RGS9: variants seen among roughly 807,000 people sequenced by gnomAD.
RGS9 encodes the protein regulator of G-protein signalling 9.
RGS9 carries 78 observed loss-of-function variants against 102.0 expected under a neutral mutation model. That is an observed-to-expected ratio of 0.76 (90% CI 0.64 to 0.92). RGS9 has a LOEUF of 0.92. RGS9 is among the 40% of genes least tolerant of loss of function. The pLI, the probability that RGS9 is intolerant of heterozygous loss-of-function variation, is 0.00. For missense variants in RGS9, 833 were observed against 866.1 expected, an observed-to-expected ratio of 0.96 and a Z score of 0.48; for synonymous variants, 353 against 318.6, an observed-to-expected ratio of 1.11 and a Z score of -1.15.
chr17:65,185,121 TC>T (rs1033277488), intron 9 of RGS9, among the ~76,000 whole-genome samples: 6 of 152,130 alleles, frequency 3.9e-5, no homozygotes, highest in Non-Finnish European at 7.4e-5. Flanking sequence ...TCTCTCACTG[TC>T]CCCTCCCTGT....
chr17:65,201,906 G>A lies in RGS9; in HGVS notation c.977-87G>A, dbSNP rs544770527. 130 of 898,036 alleles carry A rather than the reference G, an allele frequency of 1.4e-4. No homozygotes were observed. In the East Asian group the frequency reaches 1.9e-3, roughly 13 times the overall value. 55.6% of individuals were successfully genotyped at this position (898,036 alleles called of 1,614,324 possible). On this transcript the variant is annotated intron_variant, in intron 13 of 18. Transcript: ENST00000262406. Reference sequence around the variant, plus strand: ...TGAGCTGGGAAATGGAATCCATCCCGGTTGACTCATTTCTTTTATTTCCTC... The same window carrying A: ...TGAGCTGGGAAATGGAATCCATCCCAGTTGACTCATTTCTTTTATTTCCTC...
At chr17:65,218,336 C>T (rs998492794) in intron 17 of RGS9, among the ~76,000 whole-genome samples, 2 of 152,234 alleles carry the variant, frequency 1.3e-5, no homozygotes, top group Non-Finnish European at 2.9e-5. Flanking sequence ...AACCCGCTTG[C>T]TATCAGCTTC....
intron 11 of RGS9, among the ~76,000 whole-genome samples, chr17:65,191,376 T>G (rs56269736): frequency 0.088 from 13,352 of 152,110 alleles, 659 homozygotes; most frequent in Middle Eastern, 0.14. Context: ...AGTTTTTTTT[T>G]TTGTTGTTGT....
rs545351274 is a variant in RGS9 at position 65,209,108 on chromosome 17, T to C, written c.1289+1101T>C. Among the ~76,000 whole-genome samples the C allele has an allele frequency of 3.3e-5, 5 of 152,216 alleles. No homozygotes were observed. In the South Asian group the frequency reaches 1.0e-3, roughly 32 times the overall value. ...CCTCTCTCTCCAGATATTTTAGAAG[T>C]TGGGGCAGACGTGAGAATTCTCACT... is the stretch of plus-strand genomic sequence containing the variant. On this transcript the variant is annotated intron_variant, in intron 16 of 18. Transcript: ENST00000262406.
chr17:65,197,709 G>A (rs532199840), intron 13 of RGS9, among the ~76,000 whole-genome samples: 6 of 148,808 alleles, frequency 4.0e-5, no homozygotes, highest in Admixed American at 2.0e-4. Context: ...TTGCTGTGTC[G>A]CCCAGCCTGG....
intron 13 of RGS9, among the ~76,000 whole-genome samples, chr17:65,198,516 A>G (rs1352910523): frequency 6.6e-6 from 1 of 152,154 alleles, no homozygotes; most frequent in East Asian, 1.9e-4. Flanking sequence ...TCGGCCTCCC[A>G]AAGTGTTGGG....
chr17:65,194,686 G>A (rs760467655), intron 12 of RGS9, among the ~76,000 whole-genome samples: 7 of 152,140 alleles, frequency 4.6e-5, no homozygotes, highest in Non-Finnish European at 8.8e-5. Flanking sequence ...GGCACACAGA[G>A]GGAGGAAGAA....
intron 12 of RGS9, among the ~76,000 whole-genome samples, chr17:65,195,189 T>G (rs894122182): frequency 6.6e-6 from 1 of 152,166 alleles, no homozygotes; most frequent in Admixed American, 6.5e-5. Flanking sequence ...TGGCTCTCCC[T>G]GGAGGAGAAG....
chr17:65,200,714 C>T (rs560469845), intron 13 of RGS9, among the ~76,000 whole-genome samples: 2 of 152,236 alleles, frequency 1.3e-5, no homozygotes, highest in East Asian at 3.9e-4. Context: ...TGACCCTTGA[C>T]CAACACTGGT....
At chr17:65,139,320 T>G (rs1304660843) in intron 1 of RGS9, among the ~76,000 whole-genome samples, 1 of 150,910 alleles carries the variant, frequency 6.6e-6, no homozygotes, top group Non-Finnish European at 1.5e-5. Flanking sequence ...ACACACTGTT[T>G]TTTTCCCCCA....
intron 8 of RGS9, among the ~76,000 whole-genome samples, chr17:65,177,169 T>A (rs549575748): frequency 6.8e-6 from 1 of 146,326 alleles, no homozygotes; most frequent in South Asian, 2.2e-4. Flanking sequence ...CATCCATCCA[T>A]CCATCCACCC....
At chr17:65,149,991 ATGT>A (rs1455913768) in intron 1 of RGS9, among the ~76,000 whole-genome samples, 1 of 152,160 alleles carries the variant, frequency 6.6e-6, no homozygotes, top group African/African-American at 2.4e-5. Flanking sequence ...GTGTTGGGAG[ATGT>A]TGTTTAATTC....
intron 8 of RGS9, among the ~76,000 whole-genome samples, chr17:65,174,365 G>A (rs928137582): frequency 1.3e-5 from 2 of 152,212 alleles, no homozygotes; most frequent in Non-Finnish European, 2.9e-5. Context: ...GGCTGTGTGT[G>A]AGTGTGAGTG....
chr17:65,174,896 G>A (rs1425663851), intron 8 of RGS9, among the ~76,000 whole-genome samples: 1 of 152,158 alleles, frequency 6.6e-6, no homozygotes, highest in Non-Finnish European at 1.5e-5. Context: ...GTATGTGAAA[G>A]AGGAACTGTC....
chr17:65,182,741 G>C (rs572698410), intron 9 of RGS9, among the ~76,000 whole-genome samples: 1 of 152,190 alleles, frequency 6.6e-6, no homozygotes, highest in East Asian at 1.9e-4. Context: ...TGATCCAACC[G>C]CTGCTCCCCT....
Position 65,177,817 on chromosome 17 carries a change from G to A in RGS9, c.654+14G>A. ...AAGGTAAACCAGGTATGTCTCTGCT[G>A]CATAGTTTGGGTAGGGCCTAGGTCG... On this transcript the variant is annotated intron_variant, in intron 9 of 18. Coordinates refer to ENST00000262406, the MANE Select transcript of RGS9 (RefSeq NM_003835.4). 2 of 1,612,496 alleles carry A rather than the reference G, an allele frequency of 1.2e-6. No homozygotes were observed. The highest frequency in any genetic ancestry group is 1.7e-6 in the Non-Finnish European group (2 of 1,178,456).
In RGS9 at chr17:65,210,385, AGATTCTGG is replaced by A. The variant is rs146023329; in HGVS notation, c.1290-102_1290-95del. Reference sequence around the variant, plus strand: ...CTGGAAAAAGGAGGGAACAAAATATAGATTCTGGACCTTCCAGCCCCAGCTCCCATCAA... The same window carrying A: ...CTGGAAAAAGGAGGGAACAAAATATAACCTTCCAGCCCCAGCTCCCATCAA... On this transcript the variant is annotated intron_variant, in intron 16 of 18. Transcript: ENST00000262406. 2.3e-3 allele frequency: 3,247 copies of A among 1,390,566 alleles called. 60 individuals are homozygous for A. The African/African-American group carries it at 0.041, about 18-fold the overall frequency. The allele number at this position is 1,390,566 out of a possible 1,614,324, so 86.1% of individuals were successfully genotyped here. A position where few individuals can be genotyped will look rare whatever the true frequency, so the allele number is the denominator to read the frequency against.
chr17:65,165,146 T>C (rs1162297446), intron 7 of RGS9, among the ~76,000 whole-genome samples: 1 of 152,170 alleles, frequency 6.6e-6, no homozygotes, highest in Non-Finnish European at 1.5e-5. Flanking sequence ...TGAGCAGGAC[T>C]ATCCCAGCAA....
At chr17:65,198,986 T>TAC (rs533518612) in intron 13 of RGS9, among the ~76,000 whole-genome samples, 1 of 151,910 alleles carries the variant, frequency 6.6e-6, no homozygotes, top group African/African-American at 2.4e-5. Context: ...ATTTATTATC[T>TAC]CCCCCCCACT....
Sources: allele counts gnomAD v4.1 joint callset (sites outside exome capture counted in the v4.1 genomes callset), GRCh38; gene constraint gnomAD v4.1.1; transcripts MANE v1.5; gene names NCBI Gene and HGNC (gene_info 2026-07-23, HGNC 2026-07-21).